Variants in DCLK1 observed in about 807,000 individuals in gnomAD.
The protein encoded by DCLK1 is serine/threonine-protein kinase DCLK1.
Under a neutral mutation model 86.2 loss-of-function variants are expected in DCLK1, and 16 were observed. The ratio of observed to expected loss-of-function variants is 0.19; its 90% CI spans 0.13 to 0.28. DCLK1 has a LOEUF of 0.28. DCLK1 is among the 10% of genes least tolerant of loss of function. DCLK1 has a pLI of 1.00. For synonymous variants in DCLK1, 369 were observed against 370.5 expected, an observed-to-expected ratio of 1.00 and a Z score of 0.05; for missense variants, 590 against 940.2, an observed-to-expected ratio of 0.63 and a Z score of 4.87.
intron 3 of DCLK1, among the ~76,000 whole-genome samples, chr13:36,020,828 C>G (rs995312748): frequency 3.9e-5 from 6 of 152,130 alleles, no homozygotes; most frequent in Non-Finnish European, 8.8e-5. Flanking sequence ...GAAAATCTGT[C>G]ACTAGCAGTC....
intron 15 of DCLK1, among the ~76,000 whole-genome samples, chr13:35,802,190 G>T (rs2153101237): frequency 6.6e-6 from 1 of 152,184 alleles, no homozygotes; most frequent in Admixed American, 6.5e-5. Context: ...AAATTGCTCA[G>T]TTGTGGTGGT....
At chr13:35,943,964 T>A (rs921514266) in intron 4 of DCLK1, among the ~76,000 whole-genome samples, 1 of 152,118 alleles carries the variant, frequency 6.6e-6, no homozygotes, top group Admixed American at 6.5e-5. Flanking sequence ...CTAGCCACCA[T>A]CTCCAAGGTG....
intron 15 of DCLK1, among the ~76,000 whole-genome samples, chr13:35,799,249 TG>T (rs1473408887): frequency 2.3e-5 from 3 of 132,358 alleles, no homozygotes; most frequent in African/African-American, 1.0e-4. Context: ...GAGCCTCAGT[TG>T]TTTTTTTTTT....
At chr13:36,102,606 A>T (rs1258393069) in intron 3 of DCLK1, among the ~76,000 whole-genome samples, 1 of 152,244 alleles carries the variant, frequency 6.6e-6, no homozygotes, top group Non-Finnish European at 1.5e-5. Context: ...CATAAAGATC[A>T]TGGTGACTGT....
intron 3 of DCLK1, among the ~76,000 whole-genome samples, chr13:36,103,605 A>G (rs1412689023): frequency 1.3e-5 from 2 of 152,014 alleles, no homozygotes; most frequent in Admixed American, 1.3e-4. Flanking sequence ...TTTTGTTTCT[A>G]AGGCATGTTG....
At chr13:36,107,016 A>AT (rs1885420442) in intron 3 of DCLK1, among the ~76,000 whole-genome samples, 1 of 152,174 alleles carries the variant, frequency 6.6e-6, no homozygotes, top group Non-Finnish European at 1.5e-5. Flanking sequence ...CATCATTACC[A>AT]TTTCCTGTAA....
At chr13:36,064,686 G>A (rs913169124) in intron 3 of DCLK1, among the ~76,000 whole-genome samples, 1 of 150,934 alleles carries the variant, frequency 6.6e-6, no homozygotes, top group African/African-American at 2.4e-5. Context: ...GAAAGTCAGG[G>A]GAAAAGCAGG....
intron 15 of DCLK1, among the ~76,000 whole-genome samples, chr13:35,800,276 A>G (rs1464453023): frequency 2.6e-5 from 4 of 152,242 alleles, no homozygotes; most frequent in Admixed American, 2.6e-4. Flanking sequence ...CTCTTCAACT[A>G]TATGATCCTT....
At chr13:35,858,666 A>G (rs956357976) in intron 5 of DCLK1, among the ~76,000 whole-genome samples, 2 of 152,126 alleles carry the variant, frequency 1.3e-5, no homozygotes, top group African/African-American at 4.8e-5. Context: ...TGCAATGGTA[A>G]TTGTGGTTTT....
At chr13:36,039,326 T>A (rs1433617952) in intron 3 of DCLK1, among the ~76,000 whole-genome samples, 1 of 152,154 alleles carries the variant, frequency 6.6e-6, no homozygotes, top group African/African-American at 2.4e-5. Flanking sequence ...TCAAAGGACA[T>A]AATCTGGTAG....
In DCLK1 at chr13:36,006,464, T is replaced by C. The variant is rs142880643; in HGVS notation, c.724-59007A>G. On this transcript the variant is annotated intron_variant, in intron 3 of 16. Transcript: ENST00000360631. ...ACACTGTACCATGACATTGCCAAAT[T>C]TGTATGTATGTTTACATTTATATTT... 1.8e-4 allele frequency among the ~76,000 whole-genome samples: 27 copies of C among 152,356 alleles called. No homozygotes were observed. The East Asian group carries it at 5.2e-3, about 29-fold the overall frequency.
At chr13:35,949,983 T>C (rs748250395) in intron 3 of DCLK1, among the ~76,000 whole-genome samples, 4 of 152,224 alleles carry the variant, frequency 2.6e-5, no homozygotes, top group Admixed American at 1.3e-4. Context: ...GTCACCTCAG[T>C]GCCAAGCAAC....
intron 3 of DCLK1, among the ~76,000 whole-genome samples, chr13:36,005,558 A>G (rs1035461110): frequency 2.6e-5 from 4 of 152,238 alleles, no homozygotes; most frequent in Non-Finnish European, 4.4e-5. Context: ...ATATCAAGTA[A>G]CACTCCATAG....
At chr13:35,884,119 C>G (rs1260280317) in intron 4 of DCLK1, among the ~76,000 whole-genome samples, 1 of 151,558 alleles carries the variant, frequency 6.6e-6, no homozygotes, top group Admixed American at 6.6e-5. Context: ...CAGCTCTTGC[C>G]ATTCTCCTGT....
intron 3 of DCLK1, among the ~76,000 whole-genome samples, chr13:36,064,388 T>C (rs1389976688): frequency 6.6e-6 from 1 of 152,092 alleles, no homozygotes; most frequent in Non-Finnish European, 1.5e-5. Flanking sequence ...GGCGTGGGCG[T>C]GGCGGCTCAT....
chr13:36,104,235 G>A (rs1234480003), intron 3 of DCLK1, among the ~76,000 whole-genome samples: 1 of 152,142 alleles, frequency 6.6e-6, no homozygotes, highest in East Asian at 1.9e-4. Context: ...GCTGAATACT[G>A]GAGCCATATG....
At chr13:35,811,404 A>T (rs1184949619) in intron 11 of DCLK1, among the ~76,000 whole-genome samples, 1 of 152,124 alleles carries the variant, frequency 6.6e-6, no homozygotes, top group African/African-American at 2.4e-5. Flanking sequence ...GTAGGATTAC[A>T]GGTTTTCTTA....
chr13:36,126,113 G>C lies in DCLK1; in HGVS notation c.25C>G (p.Leu9Val), dbSNP rs576234646. The C allele has an allele frequency of 6.2e-7, 1 of 1,600,364 alleles. No homozygotes were observed. Reference protein sequence around the residue: MSFGRDMELEHFDERDKAQ... With the variant: MSFGRDMEVEHFDERDKAQ... ...TTATCCCGCTCGTCGAAGTGCTCCA[G>C]CTCCATGTCTCTGCCGAAGGACATG... The change falls in exon 2 of 17, where the codon CTG becomes GTG. Residue 9 changes from leucine to valine, a missense_variant. By Grantham distance (32) the Leu-to-Val change is conservative. Around this residue, in one of 6 missense-constraint regions of DCLK1, gnomAD observed 50 missense variants for 47.8 expected, o/e 1.05. Transcript: ENST00000360631.
Position 36,125,790 on chromosome 13 carries a change from CT to C in DCLK1, c.347del (p.Lys116ArgfsTer19). The C allele has an allele frequency of 6.2e-7, 1 of 1,614,066 alleles. No individual in the cohort carries two copies. The highest frequency in any genetic ancestry group is 8.5e-7 in the Non-Finnish European group (1 of 1,179,930). On this transcript the variant is annotated frameshift_variant, in exon 2 of 17. Coordinates refer to ENST00000360631, the MANE Select transcript of DCLK1 (RefSeq NM_001330071.2). LOFTEE classifies it high-confidence loss of function. ...CCACCAGTTGGTCCAGGCTGGAAATCTTCTTGAGCCCATCAATGGTGTAGAT... is the reference window on the plus strand; with the variant it reads ...CCACCAGTTGGTCCAGGCTGGAAATCTCTTGAGCCCATCAATGGTGTAGAT... ...RTIYTIDGLK[K>X]ISSLDQLVEG...
Sources: gnomAD v4.1 joint callset for allele counts (sites outside exome capture counted in the v4.1 genomes callset) on GRCh38, gnomAD v4.1.1 for gene constraint, gnomAD v4.1.1 regional missense constraint, MANE v1.5 for transcripts, NCBI Gene and HGNC (gene_info 2026-07-23, HGNC 2026-07-21) for gene names.